The following TRIM65 variants were observed in gnomAD, a reference collection of about 807,000 sequenced individuals.
The protein encoded by TRIM65 is tripartite motif containing 65.
Under a neutral mutation model 36.1 loss-of-function variants are expected in TRIM65, and 46 were observed. The ratio of observed to expected loss-of-function variants is 1.27; its 90% CI spans 1.01 to 1.63. TRIM65 has a LOEUF of 1.63. TRIM65 is among the 40% of genes most tolerant of loss of function. The pLI, the probability that TRIM65 is intolerant of heterozygous loss-of-function variation, is 0.00. For synonymous variants in TRIM65, 346 were observed against 313.6 expected, an observed-to-expected ratio of 1.10 and a Z score of -1.09; for missense variants, 708 against 696.6, an observed-to-expected ratio of 1.02 and a Z score of -0.18.
chr17:75,892,619 G>A, intron 2 of TRIM65, 119 bp from the exon 3 acceptor site: 1 of 1,232,320 alleles, frequency 8.1e-7, no homozygotes, highest in Non-Finnish European at 1.1e-6. Flanking sequence ...AGGGTCCCGG[G>A]AACCTCCCCA....
chr17:75,880,127 G>C (rs2065160346), downstream of TRIM65, among the ~76,000 whole-genome samples: 1 of 150,678 alleles, frequency 6.6e-6, no homozygotes, highest in African/African-American at 2.5e-5. Context: ...TCTCCATTTG[G>C]AATAGAAAGA....
chr17:75,894,548 C>A (rs761309224), intron 1 of TRIM65, among the ~76,000 whole-genome samples: 5 of 152,208 alleles, frequency 3.3e-5, no homozygotes, highest in Admixed American at 3.3e-4. Context: ...TTCCTCCTAG[C>A]GCTAATGATT....
At chr17:75,888,001 A>G (rs1055331806), downstream of TRIM65, among the ~76,000 whole-genome samples, 4 of 152,052 alleles carry the variant, frequency 2.6e-5, no homozygotes, top group Middle Eastern at 3.4e-3. Context: ...TAAAAAATAC[A>G]AAAAGTTAGC....
chr17:75,895,178 G>A (rs1036954451), intron 1 of TRIM65, among the ~76,000 whole-genome samples: 6 of 151,984 alleles, frequency 3.9e-5, no homozygotes, highest in Admixed American at 1.3e-4. Flanking sequence ...GCTGTCCCCC[G>A]TGTCCCCTCT....
At chr17:75,881,440 G>A (rs895281601) in intron 4 of TRIM65, among the ~76,000 whole-genome samples, 1 of 150,184 alleles carries the variant, frequency 6.7e-6, no homozygotes, top group African/African-American at 2.5e-5. Flanking sequence ...CTGCGATCAC[G>A]GTGACAGCAC....
At position 75,896,943 on chromosome 17, in the gene TRIM65, G is replaced by A. The variant is rs1218442137; in HGVS notation, c.-6C>T. The A allele has an allele frequency of 6.1e-6, 9 of 1,487,184 alleles. No homozygotes were observed. Among genetic ancestry groups the A allele is most frequent in the South Asian group, 1.3e-5 (1 of 79,400 alleles). 92.1% of individuals were successfully genotyped at this position (1,487,184 alleles called of 1,614,324 possible). A position where few individuals can be genotyped will look rare whatever the true frequency, so the allele number is the denominator to read the frequency against. ...TCCAGCAGCTGCGCGGCCATGGCCC[G>A]GCGGCGGCGAGAGCCAGGCGGGCCC... On this transcript the variant is annotated 5_prime_UTR_variant, in exon 1 of 6. Coordinates refer to ENST00000269383, the MANE Select transcript of TRIM65 (RefSeq NM_173547.4).
At chr17:75,891,507 C>T (rs1194807517) in intron 5 of TRIM65, among the ~76,000 whole-genome samples, 160 bp from the exon 6 acceptor site, 3 of 152,198 alleles carry the variant, frequency 2.0e-5, no homozygotes, top group African/African-American at 4.8e-5. Flanking sequence ...CTATCAGCCC[C>T]GTTCACAGCT....
At chr17:75,895,058 A>T (rs879516197) in intron 1 of TRIM65, among the ~76,000 whole-genome samples, 1 of 152,122 alleles carries the variant, frequency 6.6e-6, no homozygotes, top group African/African-American at 2.4e-5. Context: ...TGTGACCTCT[A>T]TATGTCCAAG....
rs752871709 is a variant in TRIM65, at chr17:75,891,150, C to G, written c.1183G>C (p.Val395Leu). ...TGCGGGTAGGAGACGCCCAGTGTCA[C>G]CGAGTGGTCTGACGCGCGCACCTCC... ...YWEVRASDHS[V>L]TLGVSYPQLP... The change falls in exon 6 of 6, where the codon GTG (valine) becomes CTG (leucine). Residue 395 changes from valine (V) to leucine (L), a missense_variant. By Grantham distance (32) the Val-to-Leu change is conservative. Transcript: ENST00000269383. 8 of 1,608,714 alleles carry G rather than the reference C, an allele frequency of 5.0e-6. No individual in the cohort carries two copies. The South Asian group carries it at 8.8e-5, about 18-fold the overall frequency.
chr17:75,879,814 C>T (rs537946028), downstream of TRIM65, among the ~76,000 whole-genome samples: 3 of 150,644 alleles, frequency 2.0e-5, no homozygotes, highest in Non-Finnish European at 2.9e-5. Flanking sequence ...AGTGCAGTGG[C>T]GCAATCTCAG....
intron 4 of TRIM65, among the ~76,000 whole-genome samples, chr17:75,882,991 A>AC (rs1187876339): frequency 1.3e-5 from 2 of 149,480 alleles, no homozygotes; most frequent in African/African-American, 5.1e-5. Flanking sequence ...AAAAAAAAAA[A>AC]ACAAAAACAA....
chr17:75,892,648 C>G, intron 2 of TRIM65, 107 bp downstream of exon 2: 1 of 1,264,964 alleles, frequency 7.9e-7, no homozygotes, highest in Non-Finnish European at 1.1e-6. Context: ...GTGCCCAGCT[C>G]CCTGCTCAGC....
downstream of TRIM65, among the ~76,000 whole-genome samples, chr17:75,886,549 A>C (rs993073331): frequency 6.0e-5 from 9 of 150,750 alleles, no homozygotes; most frequent in African/African-American, 2.2e-4. Context: ...AAAACCAAAA[A>C]CGTCTTTCCT....
In TRIM65 at chr17:75,890,246, A is replaced by G. The variant is rs2065246858; in HGVS notation, c.*533T>C. 1 of 152,282 alleles carries G rather than the reference A, an allele frequency of 6.6e-6. No homozygotes were observed. Among genetic ancestry groups the G allele is most frequent in the Non-Finnish European group, 1.5e-5 (1 of 68,090 alleles). 9.4% of individuals were successfully genotyped at this position (152,282 alleles called of 1,614,324 possible). ...ACAAAAATGTTTAAATGCAGAAAAC[A>G]AAATTGTTTGTAGAATACAATTATA... On this transcript the variant is annotated 3_prime_UTR_variant, in exon 6 of 6. Transcript: ENST00000269383.
At chr17:75,894,009 C>G (rs1381895174) in intron 1 of TRIM65, among the ~76,000 whole-genome samples, 2 of 152,212 alleles carry the variant, frequency 1.3e-5, no homozygotes, top group Non-Finnish European at 2.9e-5. Flanking sequence ...TCCCGCAACA[C>G]TCTGGAGCCC....
At chr17:75,891,539 G>A (rs775463087) in intron 5 of TRIM65, among the ~76,000 whole-genome samples, 192 bp from the exon 6 acceptor site, 3 of 152,250 alleles carry the variant, frequency 2.0e-5, no homozygotes, top group Admixed American at 2.0e-4. Flanking sequence ...GGCTCTGAGA[G>A]CCATTAACTC....
At chr17:75,892,986 CCGGCCTCGGT>C (rs1327625774) in intron 1 of TRIM65, 136 bp from the exon 2 acceptor site, 1 of 732,646 alleles carries the variant, frequency 1.4e-6, no homozygotes, top group Non-Finnish European at 2.3e-6. Context: ...CTCCAGAGCA[CCGGCCTCGGT>C]CTAACCCAGG....
chr17:75,884,938 C>CTT (rs534194648), downstream of TRIM65, among the ~76,000 whole-genome samples: 61 of 135,876 alleles, frequency 4.5e-4, no homozygotes, highest in East Asian at 1.3e-3. Context: ...ACTTGAGTTC[C>CTT]TTTTTTTTTT....
rs143638562 is a variant in TRIM65, at chr17:75,891,021, C to T, written c.1312G>A (p.Gly438Arg). 4.6e-5 allele frequency: 74 copies of T among 1,607,866 alleles called. No homozygotes were observed. In the Admixed American group the frequency reaches 9.0e-4, roughly 20 times the overall value. ...ACCCCTGGGAGGCGCTGGGCTTCCCCGTTGTGCCAGGCCTGGAGGCTGTCC... is the reference window on the plus strand; with the variant it reads ...ACCCCTGGGAGGCGCTGGGCTTCCCTGTTGTGCCAGGCCTGGAGGCTGTCC... ...QEDSLQAWHN[G>R]EAQRLPGVSG... Residue 438 changes from glycine to arginine, a missense_variant, in exon 6 of 6, where the codon GGG (glycine) becomes AGG (arginine). Physicochemically the swap from Gly to Arg is moderately radical, Grantham distance 125. Coordinates refer to ENST00000269383, the MANE Select transcript of TRIM65 (RefSeq NM_173547.4).
Sources: allele counts gnomAD v4.1 joint callset (sites outside exome capture counted in the v4.1 genomes callset), GRCh38; gene constraint gnomAD v4.1.1; transcripts MANE v1.5; gene names NCBI Gene and HGNC (gene_info 2026-07-23, HGNC 2026-07-21).